The following RANBP2 variants were observed in gnomAD, a reference collection of about 807,000 sequenced individuals.
The protein encoded by RANBP2 is RAN binding protein 2.
A neutral mutation model predicts 303.6 loss-of-function variants in RANBP2; 57 were observed. The observed-to-expected ratio is 0.19, with a 90% CI of 0.15 to 0.23. The LOEUF (loss-of-function observed/expected upper bound fraction) is 0.23, where lower values mean the gene tolerates loss of function less well. RANBP2 is among the 10% of genes least tolerant of loss of function. The pLI is 1.00. For synonymous variants in RANBP2, 1,167 were observed against 1,301.5 expected, an observed-to-expected ratio of 0.90 and a Z score of 2.23; for missense variants, 3,138 against 3,780.8, an observed-to-expected ratio of 0.83 and a Z score of 4.46.
chr2:109,526,767 C>A, the RANBP2 span, among the ~76,000 whole-genome samples: 1 of 152,168 alleles, frequency 6.6e-6, no homozygotes, highest in East Asian at 1.9e-4. Flanking sequence ...CCCAGATGCA[C>A]CCTCTCTCCA....
At chr2:109,003,867 G>A in the RANBP2 span, among the ~76,000 whole-genome samples, 1 of 152,300 alleles carries the variant, frequency 6.6e-6, no homozygotes, top group East Asian at 1.9e-4. Context: ...AGAGACACCA[G>A]CAGAGTTGTT....
the RANBP2 span, among the ~76,000 whole-genome samples, chr2:109,305,985 T>C: frequency 9.2e-5 from 14 of 152,222 alleles, no homozygotes; most frequent in African/African-American, 3.4e-4. Flanking sequence ...GTGAGCACAG[T>C]AGATCTGGGC....
the RANBP2 span, among the ~76,000 whole-genome samples, chr2:108,927,676 G>C: frequency 6.6e-6 from 1 of 152,100 alleles, no homozygotes; most frequent in Non-Finnish European, 1.5e-5. Flanking sequence ...AGCACCCTGA[G>C]TGCATAGTGA....
the RANBP2 span, among the ~76,000 whole-genome samples, chr2:109,418,351 G>A: frequency 6.6e-6 from 1 of 152,144 alleles, no homozygotes; most frequent in African/African-American, 2.4e-5. Flanking sequence ...GTGGCTAAAA[G>A]CAACAGAAAG....
the RANBP2 span, among the ~76,000 whole-genome samples, chr2:109,114,517 CT>C: frequency 6.6e-6 from 1 of 151,820 alleles, no homozygotes; most frequent in Admixed American, 6.6e-5. Flanking sequence ...TTTGATTCTT[CT>C]CTCTTTTCTT....
At chr2:109,418,545 T>C in the RANBP2 span, among the ~76,000 whole-genome samples, 1 of 152,122 alleles carries the variant, frequency 6.6e-6, no homozygotes, top group Non-Finnish European at 1.5e-5. Flanking sequence ...TCACATGGGC[T>C]TCCTTCCCCT....
At chr2:108,798,618 A>T in the RANBP2 span, 2 of 1,499,874 alleles carry the variant, frequency 1.3e-6, no homozygotes, top group Non-Finnish European at 1.8e-6. Flanking sequence ...TTAGAGTGGT[A>T]TATTTCTTCT....
chr2:108,935,266 C>T, the RANBP2 span, among the ~76,000 whole-genome samples: 1 of 152,164 alleles, frequency 6.6e-6, no homozygotes, highest in Non-Finnish European at 1.5e-5. Context: ...GACTACTGAG[C>T]TCAGACCCCA....
At chr2:109,614,353 C>T in the RANBP2 span, 2 of 744,260 alleles carry the variant, frequency 2.7e-6, no homozygotes, top group Non-Finnish European at 3.6e-6. Context: ...GTGGCCGAGT[C>T]CTCTGGCCTC....
the RANBP2 span, among the ~76,000 whole-genome samples, chr2:109,333,453 G>T: frequency 6.6e-6 from 1 of 152,174 alleles, no homozygotes; most frequent in African/African-American, 2.4e-5. Flanking sequence ...CAGTCATCCT[G>T]GACTTGAGAT....
At chr2:108,864,812 T>A in the RANBP2 span, among the ~76,000 whole-genome samples, 2 of 109,536 alleles carry the variant, frequency 1.8e-5, no homozygotes, top group African/African-American at 3.1e-5. Context: ...AAAAAAAAAA[T>A]TAGCTTGGCA....
the RANBP2 span, among the ~76,000 whole-genome samples, chr2:109,455,633 G>A: frequency 6.6e-6 from 1 of 152,226 alleles, no homozygotes; most frequent in African/African-American, 2.4e-5. Flanking sequence ...GCTCTTTTGA[G>A]TGGCCAGGCA....
At chr2:108,972,233 C>G in the RANBP2 span, among the ~76,000 whole-genome samples, 1 of 152,246 alleles carries the variant, frequency 6.6e-6, no homozygotes, top group African/African-American at 2.4e-5. Flanking sequence ...CCTTCCAGTC[C>G]TTTGCTGTTT....
At chr2:108,888,141 A>G in the RANBP2 span, among the ~76,000 whole-genome samples, 1 of 151,496 alleles carries the variant, frequency 6.6e-6, no homozygotes, top group Non-Finnish European at 1.5e-5. Flanking sequence ...TTTTTCCTTC[A>G]TTTTGTTGAT....
chr2:109,269,923 C>T, the RANBP2 span, among the ~76,000 whole-genome samples: 11 of 152,228 alleles, frequency 7.2e-5, no homozygotes, highest in African/African-American at 2.7e-4. Flanking sequence ...GAAAGCAAAA[C>T]GTAACTACTA....
chr2:109,455,198 C>T, the RANBP2 span, among the ~76,000 whole-genome samples: 1 of 152,124 alleles, frequency 6.6e-6, no homozygotes, highest in Non-Finnish European at 1.5e-5. Flanking sequence ...ATGGCCCGTC[C>T]AGGAGTCCCA....
intron 25 of RANBP2, among the ~76,000 whole-genome samples, chr2:108,778,811 TGA>T (rs2149320675): frequency 6.6e-6 from 1 of 152,138 alleles, no homozygotes; most frequent in Admixed American, 6.5e-5. Context: ...ACTGCTGCCT[TGA>T]CCTCCTGGGC....
chr2:108,877,674 C>A, the RANBP2 span, among the ~76,000 whole-genome samples: 1 of 152,102 alleles, frequency 6.6e-6, no homozygotes, highest in Non-Finnish European at 1.5e-5. Context: ...CATTTGGTGT[C>A]TCTGAAGAAA....
chr2:108,823,351 A>G, the RANBP2 span, among the ~76,000 whole-genome samples: 2 of 152,242 alleles, frequency 1.3e-5, no homozygotes, highest in African/African-American at 4.8e-5. Flanking sequence ...CTATTGACTA[A>G]TACCTTGATA....
Sources: allele counts gnomAD v4.1 joint callset (sites outside exome capture counted in the v4.1 genomes callset), GRCh38; gene constraint gnomAD v4.1.1; transcripts MANE v1.5; gene names NCBI Gene and HGNC (gene_info 2026-07-23, HGNC 2026-07-21).